The following SLC2A9 variants were observed in gnomAD, a reference collection of about 807,000 sequenced individuals.
SLC2A9 encodes solute carrier family 2 member 9.
Under a neutral mutation model 50.6 loss-of-function variants are expected in SLC2A9, and 39 were observed. The ratio of observed to expected loss-of-function variants is 0.77; its 90% CI spans 0.60 to 1.01. The LOEUF (loss-of-function observed/expected upper bound fraction) is 1.01, where lower values mean the gene tolerates loss of function less well. Ranked by LOEUF, SLC2A9 falls within the 50% of genes least tolerant of loss-of-function variation. The probability of loss-of-function intolerance (pLI) is 0.00; values close to 1 mark genes in which losing one functional copy is unlikely to be tolerated. For synonymous variants in SLC2A9, 324 were observed against 276.9 expected (o/e 1.17, Z -1.69); for missense variants, 686 against 677.6 (o/e 1.01, Z -0.14).
At chr4:9,849,915 T>C (rs1014135664) in intron 10 of SLC2A9, among the ~76,000 whole-genome samples, 6 of 151,558 alleles carry the variant, frequency 4.0e-5, no homozygotes, top group African/African-American at 1.5e-4. Context: ...TGGATGAGCA[T>C]GGTGCTGGGA....
intron 11 of SLC2A9, among the ~76,000 whole-genome samples, 173 bp downstream of exon 11, chr4:9,834,708 A>G (rs1419364660): frequency 1.3e-5 from 2 of 152,224 alleles, no homozygotes; most frequent in African/African-American, 4.8e-5. Context: ...AAGGCACAGG[A>G]AAGAGAAAGG....
chr4:9,810,547 C>G (rs758005741), intron 3 of SLC2A9, among the ~76,000 whole-genome samples: 1 of 152,214 alleles, frequency 6.6e-6, no homozygotes, highest in Non-Finnish European at 1.5e-5. Flanking sequence ...ACCTACTAGT[C>G]TCACGAGAGA....
chr4:9,782,140 G>A, intron 3 of SLC2A9: 6 of 1,566,666 alleles, frequency 3.8e-6, no homozygotes, highest in Non-Finnish European at 5.2e-6. Context: ...CGCCACTGGG[G>A]CCCTCACAGG....
At chr4:9,936,063 G>A (rs964806097) in intron 6 of SLC2A9, among the ~76,000 whole-genome samples, 19 of 152,102 alleles carry the variant, frequency 1.2e-4, no homozygotes, top group African/African-American at 2.9e-4. Flanking sequence ...TGCCTCCTGC[G>A]AGAAATTGGA....
intron 6 of SLC2A9, chr4:9,923,073 T>G (rs972411123): frequency 2.6e-5 from 4 of 152,174 alleles, no homozygotes; most frequent in Non-Finnish European, 5.9e-5. Context: ...GGCTGAGGGC[T>G]CACAGATATT....
chr4:9,990,328 A>C (rs905496435), intron 3 of SLC2A9, among the ~76,000 whole-genome samples: 4 of 152,116 alleles, frequency 2.6e-5, no homozygotes, highest in Non-Finnish European at 5.9e-5. Flanking sequence ...CCTTCCATTT[A>C]TCCAACAAAT....
chr4:9,939,778 G>A (rs1442512764), intron 6 of SLC2A9, among the ~76,000 whole-genome samples: 3 of 152,094 alleles, frequency 2.0e-5, no homozygotes, highest in Middle Eastern at 3.4e-3. Flanking sequence ...CTCACTCCTG[G>A]GGGGCAGGAA....
chr4:9,893,893 C>A (rs1194402863), intron 8 of SLC2A9, among the ~76,000 whole-genome samples: 1 of 152,160 alleles, frequency 6.6e-6, no homozygotes, highest in Non-Finnish European at 1.5e-5. Context: ...TTAATCTCAG[C>A]GCAACACATG....
intron 10 of SLC2A9, among the ~76,000 whole-genome samples, chr4:9,845,468 C>T (rs1450972271): frequency 3.8e-5 from 4 of 105,184 alleles, no homozygotes; most frequent in Non-Finnish European, 5.5e-5. Flanking sequence ...CTCGCTCTGT[C>T]GCCCAGGCTG....
intron 1 of SLC2A9, among the ~76,000 whole-genome samples, chr4:10,030,416 A>C (rs1763903113): frequency 2.0e-5 from 3 of 152,228 alleles, no homozygotes; most frequent in Admixed American, 6.5e-5. Context: ...GCCTTTGTCC[A>C]AACCCACAGA....
At chr4:9,888,076 T>C (rs950085603) in intron 9 of SLC2A9, among the ~76,000 whole-genome samples, 2 of 113,548 alleles carry the variant, frequency 1.8e-5, no homozygotes, top group Non-Finnish European at 3.3e-5. Flanking sequence ...TGAGAACACA[T>C]GGACACAGGG....
chr4:9,986,485 G>A (rs951430173), intron 3 of SLC2A9, among the ~76,000 whole-genome samples: 2 of 152,182 alleles, frequency 1.3e-5, no homozygotes, highest in African/African-American at 4.8e-5. Context: ...GGGGGTGCAG[G>A]CCCCAGCCCC....
intron 2 of SLC2A9, among the ~76,000 whole-genome samples, chr4:10,015,869 G>A (rs145072912): frequency 1.2e-4 from 18 of 152,344 alleles, no homozygotes; most frequent in Non-Finnish European, 1.8e-4. Flanking sequence ...AATGGAATGC[G>A]CCTGGCATGC....
intron 5 of SLC2A9, among the ~76,000 whole-genome samples, chr4:9,965,375 TTTTTCTGTA>T (rs1752902947): frequency 6.6e-6 from 1 of 152,212 alleles, no homozygotes; most frequent in Non-Finnish European, 1.5e-5. Flanking sequence ...TCATGGGAAA[TTTTTCTGTA>T]TTTTACGGAT....
At chr4:9,975,566 C>T (rs1490692322) in intron 5 of SLC2A9, among the ~76,000 whole-genome samples, 2 of 152,176 alleles carry the variant, frequency 1.3e-5, no homozygotes, top group African/African-American at 2.4e-5. Flanking sequence ...CATCTCACAC[C>T]AGTCAGAAGG....
chr4:9,912,367 T>C (rs371180753), intron 7 of SLC2A9, among the ~76,000 whole-genome samples: 2 of 152,254 alleles, frequency 1.3e-5, no homozygotes, highest in African/African-American at 4.8e-5. Flanking sequence ...TCTGGGTCTC[T>C]TTTCAGCCTC....
chr4:9,827,355 T>C (rs1481844694), intron 11 of SLC2A9, among the ~76,000 whole-genome samples: 5 of 152,228 alleles, frequency 3.3e-5, no homozygotes, highest in African/African-American at 1.2e-4. Flanking sequence ...ACTGGGATTA[T>C]AGGCATGAGC....
chr4:9,832,284 C>T (rs1312813839), intron 11 of SLC2A9, among the ~76,000 whole-genome samples: 3 of 152,140 alleles, frequency 2.0e-5, no homozygotes, highest in African/African-American at 4.8e-5. Context: ...CTTGTTAGCC[C>T]TGTATTTCTC....
chr4:9,983,041 T>C (rs1240344583), intron 4 of SLC2A9, among the ~76,000 whole-genome samples: 1 of 152,178 alleles, frequency 6.6e-6, no homozygotes, highest in Non-Finnish European at 1.5e-5. Context: ...GCTAATTTTG[T>C]ATTTTCAGTA....
Sources: allele counts gnomAD v4.1 joint callset (sites outside exome capture counted in the v4.1 genomes callset), GRCh38; gene constraint gnomAD v4.1.1; transcripts MANE v1.5; gene names NCBI Gene and HGNC (gene_info 2026-07-23, HGNC 2026-07-21).